The following ARID4B variants were observed in gnomAD, a reference collection of about 807,000 sequenced individuals.
The protein encoded by ARID4B is AT-rich interactive domain-containing protein 4B.
A neutral mutation model predicts 147.5 loss-of-function variants in ARID4B; 26 were observed. The observed-to-expected ratio is 0.18, with a 90% CI of 0.13 to 0.24. The LOEUF (loss-of-function observed/expected upper bound fraction) is 0.24, where lower values mean the gene tolerates loss of function less well. Among genes scored for constraint, ARID4B ranks in the 10% least tolerant of loss-of-function variants. The probability of loss-of-function intolerance (pLI) is 1.00; values close to 1 mark genes in which losing one functional copy is unlikely to be tolerated. For missense variants in ARID4B, 1,179 were observed against 1,511.5 expected (o/e 0.78, Z 3.65); for synonymous variants, 512 against 507.9 (o/e 1.01, Z -0.11).
intron 2 of ARID4B, among the ~76,000 whole-genome samples, chr1:235,294,404 CCGGGTT>C (rs1672543852): frequency 8.9e-5 from 12 of 134,398 alleles, no homozygotes; most frequent in African/African-American, 2.8e-5. Context: ...CCTCCGCCTC[CCGGGTT>C]CAAGCAATTC....
chr1:235,221,225 CTG>C (rs1003550818), intron 14 of ARID4B, among the ~76,000 whole-genome samples: 9 of 152,204 alleles, frequency 5.9e-5, no homozygotes, highest in African/African-American at 2.2e-4. Flanking sequence ...AATGAAGAAA[CTG>C]AGGCTTAGGA....
At chr1:235,316,417 G>A (rs1374476019) in intron 2 of ARID4B, among the ~76,000 whole-genome samples, 1 of 151,984 alleles carries the variant, frequency 6.6e-6, no homozygotes, top group African/African-American at 2.4e-5. Context: ...GCTGAGGCAG[G>A]AGAATCACTT....
At chr1:235,243,326 C>T (rs1669111524) in intron 7 of ARID4B, among the ~76,000 whole-genome samples, 1 of 152,022 alleles carries the variant, frequency 6.6e-6, no homozygotes, top group African/African-American at 2.4e-5. Flanking sequence ...TACACAGGTA[C>T]TCAATAAACT....
chr1:235,232,194 T>TG (rs1668281696), intron 9 of ARID4B, among the ~76,000 whole-genome samples: 2 of 151,902 alleles, frequency 1.3e-5, no homozygotes, highest in African/African-American at 4.8e-5. Flanking sequence ...CTGAGGCGAG[T>TG]GGATCACCTG....
At chr1:235,230,589 T>C (rs140363623) in intron 10 of ARID4B, among the ~76,000 whole-genome samples, 1 of 87,722 alleles carries the variant, frequency 1.1e-5, no homozygotes, top group African/African-American at 6.0e-5. Flanking sequence ...TGCCTGACTA[T>C]AAGCTAAAAA....
At chr1:235,293,231 T>C (rs574801081) in intron 2 of ARID4B, among the ~76,000 whole-genome samples, 1 of 152,162 alleles carries the variant, frequency 6.6e-6, no homozygotes, top group Non-Finnish European at 1.5e-5. Context: ...GCCAAAAAAA[T>C]ATATGCTACT....
chr1:235,315,753 T>C (rs2103290529), intron 2 of ARID4B, among the ~76,000 whole-genome samples: 1 of 152,360 alleles, frequency 6.6e-6, no homozygotes, highest in East Asian at 1.9e-4. Context: ...TCTAACTGTA[T>C]CCTAAAGCTA....
At chr1:235,319,198 T>C (rs1674647955) in intron 2 of ARID4B, among the ~76,000 whole-genome samples, 1 of 152,146 alleles carries the variant, frequency 6.6e-6, no homozygotes, top group Non-Finnish European at 1.5e-5. Flanking sequence ...CTTGTGAAAA[T>C]ACTAGAAATT....
chr1:235,257,521 C>T (rs1193855552), intron 3 of ARID4B, among the ~76,000 whole-genome samples: 2 of 150,724 alleles, frequency 1.3e-5, no homozygotes, highest in African/African-American at 2.4e-5. Context: ...CTCACTCTGT[C>T]GCCCAGGTTG....
In ARID4B at chr1:235,186,538, A is replaced by G. The variant is rs536759466; in HGVS notation, c.2126-3745T>C. 3.0e-4 allele frequency among the ~76,000 whole-genome samples: 46 copies of G among 151,222 alleles called. 1 individual carries two copies. In the East Asian group the frequency reaches 7.6e-3, roughly 25 times the overall value. Reference sequence around the variant, plus strand: ...CAATTCTCCTGTCTCGGCCTCCCCAATAGCTGGGACTACAGGCACACGCCA... The same window carrying G: ...CAATTCTCCTGTCTCGGCCTCCCCAGTAGCTGGGACTACAGGCACACGCCA... On this transcript the variant is annotated intron_variant, in intron 19 of 23. Coordinates refer to ENST00000264183, the MANE Select transcript of ARID4B (RefSeq NM_016374.6).
intron 20 of ARID4B, 26 bp from the exon 21 acceptor site, chr1:235,177,939 C>G: frequency 7.3e-7 from 1 of 1,376,832 alleles, no homozygotes; most frequent in Non-Finnish European, 9.9e-7. Flanking sequence ...AATTAAGTAA[C>G]ACAAAATAAA....
chr1:235,265,226 T>C (rs1254334710), intron 2 of ARID4B, among the ~76,000 whole-genome samples: 3 of 132,004 alleles, frequency 2.3e-5, no homozygotes, highest in African/African-American at 2.9e-5. Flanking sequence ...ATTAGCCAGG[T>C]GTGGTGGCGG....
Position 235,173,826 on chromosome 1 carries a change from CATATAT to C in ARID4B, c.3665-1068_3665-1063del, listed in dbSNP as rs59203627. 4.9e-5 allele frequency among the ~76,000 whole-genome samples: 4 copies of C among 81,204 alleles called. No individual in the cohort carries two copies. In the East Asian group the frequency reaches 1.6e-3, roughly 33 times the overall value. The allele number at this position is 81,204 out of a possible 152,430, so 53.3% of individuals were successfully genotyped here. ...TATATATATATATGTATACCTAAAACATATATATATATACCTTTTTTTAAATGAAGA... is the reference window on the plus strand; with the variant it reads ...TATATATATATATGTATACCTAAAACATATATACCTTTTTTTAAATGAAGA... On this transcript the variant is annotated intron_variant, in intron 22 of 23. Transcript: ENST00000264183.
At chr1:235,253,213 T>C (rs1487609741) in intron 5 of ARID4B, among the ~76,000 whole-genome samples, 3 of 152,158 alleles carry the variant, frequency 2.0e-5, no homozygotes, top group Non-Finnish European at 4.4e-5. Context: ...ACTGCCCCTT[T>C]AAAAAAATAA....
intron 2 of ARID4B, among the ~76,000 whole-genome samples, chr1:235,317,698 C>T (rs144866414): frequency 5.1e-4 from 77 of 152,264 alleles, no homozygotes; most frequent in African/African-American, 1.7e-3. Context: ...TTATTTTCTA[C>T]GGAAACCTTG....
chr1:235,266,800 T>C (rs1203577464), intron 2 of ARID4B, among the ~76,000 whole-genome samples: 1 of 152,190 alleles, frequency 6.6e-6, no homozygotes, highest in East Asian at 1.9e-4. Context: ...AATCTTCAAA[T>C]GGCTGGCTAA....
intron 2 of ARID4B, among the ~76,000 whole-genome samples, chr1:235,284,308 C>T (rs1008854022): frequency 6.6e-6 from 1 of 152,106 alleles, no homozygotes. Flanking sequence ...TGCAGTGAGC[C>T]AAGATTATGC....
chr1:235,226,446 C>T (rs778053134), intron 11 of ARID4B, among the ~76,000 whole-genome samples: 29 of 152,080 alleles, frequency 1.9e-4, no homozygotes, highest in Admixed American at 1.4e-3. Context: ...CTGCAACCTC[C>T]GCTTCCTGGG....
chr1:235,292,457 T>C (rs751919357), intron 2 of ARID4B, among the ~76,000 whole-genome samples: 7 of 151,890 alleles, frequency 4.6e-5, no homozygotes, highest in Non-Finnish European at 8.8e-5. Flanking sequence ...CTACTAAAAA[T>C]ACAACAAAAG....
Sources: allele counts gnomAD v4.1 joint callset (sites outside exome capture counted in the v4.1 genomes callset), GRCh38; gene constraint gnomAD v4.1.1; transcripts MANE v1.5; gene names NCBI Gene and HGNC (gene_info 2026-07-23, HGNC 2026-07-21).